The following SSUH2 variants were observed in gnomAD, a reference collection of about 807,000 sequenced individuals.
SSUH2 encodes ssu-2 homolog, also known as protein SSUH2 homolog.
SSUH2 carries 47 observed loss-of-function variants against 55.3 expected under a neutral mutation model. The observed-to-expected ratio is 0.85, with a 90% CI of 0.67 to 1.08. The LOEUF is 1.08. Among genes scored for constraint, SSUH2 ranks in the 50% least tolerant of loss-of-function variants. The pLI is 0.00. For missense variants in SSUH2, 535 were observed against 490.7 expected (o/e 1.09, Z -0.85); for synonymous variants, 212 against 191.5 (o/e 1.11, Z -0.89).
rs1327278773 is a variant in SSUH2 at position 8,633,656 on chromosome 3, G to A, written c.339+10C>T. Reference sequence around the variant, plus strand: ...CCGGCCAAGGCCCCCCACCGGCCCTGGCCTCTCACCCTGCAGAGGGTCTGC... The same window carrying A: ...CCGGCCAAGGCCCCCCACCGGCCCTAGCCTCTCACCCTGCAGAGGGTCTGC... On this transcript the variant is annotated intron_variant, in intron 4 of 11. Transcript: ENST00000544814. 1.3e-6 allele frequency: 2 copies of A among 1,508,800 alleles called. No individual in the cohort carries two copies. Among genetic ancestry groups the A allele is most frequent in the Admixed American group, 2.3e-5 (1 of 44,048 alleles). 93.5% of individuals were successfully genotyped at this position (1,508,800 alleles called of 1,614,324 possible).
intron 5 of SSUH2, among the ~76,000 whole-genome samples, chr3:8,670,705 C>G (rs116116359): frequency 0.018 from 2,690 of 152,030 alleles, 84 homozygotes; most frequent in African/African-American, 0.061. Context: ...AGTAACATCT[C>G]TTTAGGATAT....
chr3:8,656,735 G>A (rs1435366548), intron 7 of SSUH2, among the ~76,000 whole-genome samples: 1 of 152,202 alleles, frequency 6.6e-6, no homozygotes, highest in African/African-American at 2.4e-5. Flanking sequence ...GGCACAGGGA[G>A]GAAGTGACTT....
chr3:8,642,696 A>G (rs1372475148), intron 1 of SSUH2, among the ~76,000 whole-genome samples: 2 of 152,222 alleles, frequency 1.3e-5, no homozygotes, highest in Non-Finnish European at 2.9e-5. Context: ...AGTCACTCAT[A>G]TTATAGACCT....
At chr3:8,621,967 C>T (rs1696539512) in intron 11 of SSUH2, among the ~76,000 whole-genome samples, 2 of 151,050 alleles carry the variant, frequency 1.3e-5, no homozygotes, top group South Asian at 4.2e-4. Context: ...CTGCTTCTGG[C>T]TCAAAAAGTC....
chr3:8,636,712 C>G (rs550515310), intron 1 of SSUH2, among the ~76,000 whole-genome samples: 1 of 152,148 alleles, frequency 6.6e-6, no homozygotes. Flanking sequence ...AAACGTCAGA[C>G]CTGCATTGCA....
chr3:8,644,753 G>A lies in SSUH2; in HGVS notation c.6C>T (p.Asp2=). The change falls in exon 1 of 12, where the codon GAC becomes GAT. Residue 2 remains aspartate (D), a synonymous_variant. Coordinates refer to ENST00000544814, the MANE Select transcript of SSUH2 (RefSeq NM_001256748.3). M[D]RDLNEDDSVV... is the part of the protein sequence containing the mutation. ...TACTGTCATCTTCATTCAGATCCCT[G>A]TCCATGTTCCAGACGTCCTGCCAAA... 1 of 1,536,056 alleles carries A rather than the reference G, an allele frequency of 6.5e-7. No homozygotes were observed. Among genetic ancestry groups the A allele is most frequent in the Non-Finnish European group, 8.7e-7 (1 of 1,146,872 alleles).
chr3:8,678,351 T>C (rs1473601910), intron 2 of SSUH2, among the ~76,000 whole-genome samples: 8 of 152,180 alleles, frequency 5.3e-5, no homozygotes, highest in African/African-American at 1.9e-4. Flanking sequence ...CATATCTGTC[T>C]ATTATGGGGA....
chr3:8,622,645 C>G (rs116368351), intron 11 of SSUH2, among the ~76,000 whole-genome samples: 1 of 152,138 alleles, frequency 6.6e-6, no homozygotes, highest in Non-Finnish European at 1.5e-5. Context: ...TTCTCAGCCC[C>G]CTTCCAGCTC....
intron 10 of SSUH2, 79 bp from the exon 11 acceptor site, chr3:8,623,735 C>T (rs1696943814): frequency 1.5e-6 from 1 of 669,450 alleles, no homozygotes; most frequent in Non-Finnish European, 2.6e-6. Flanking sequence ...TGACTAGAGC[C>T]AGAGCCAGAG....
rs985200271 is a variant in SSUH2, at chr3:8,640,648, G to A, written c.28+4083C>T. Among the ~76,000 whole-genome samples the A allele has an allele frequency of 5.9e-5, 9 of 152,170 alleles. No individual in the cohort carries two copies. In the East Asian group the frequency reaches 1.4e-3, roughly 23 times the overall value. On this transcript the variant is annotated intron_variant, in intron 1 of 11. Coordinates refer to ENST00000544814, the MANE Select transcript of SSUH2 (RefSeq NM_001256748.3). ...AAAAAAGGAAGGAAAGAGACAAGGA[G>A]AACAGAAAGAAAGAAGGAAGGAGAA...
chr3:8,634,323 T>A, intron 3 of SSUH2: 2 of 1,202,834 alleles, frequency 1.7e-6, no homozygotes, highest in Non-Finnish European at 2.2e-6. Flanking sequence ...ACAGGGACCC[T>A]AACCTCGGCC....
At chr3:8,630,594 T>A in intron 6 of SSUH2, among the ~76,000 whole-genome samples, 1 of 152,232 alleles carries the variant, frequency 6.6e-6, no homozygotes, top group East Asian at 1.9e-4. Context: ...GTTTGCTAGG[T>A]GAACACTCCC....
upstream of SSUH2, among the ~76,000 whole-genome samples, chr3:8,646,614 G>A (rs192699878): frequency 1.6e-4 from 24 of 152,352 alleles, no homozygotes; most frequent in African/African-American, 5.5e-4. Context: ...CAAACCAACA[G>A]CTAGACCTTT....
chr3:8,681,086 G>T (rs1291312236), intron 1 of SSUH2, among the ~76,000 whole-genome samples: 9 of 101,546 alleles, frequency 8.9e-5, no homozygotes, highest in African/African-American at 1.7e-4. Flanking sequence ...CATAGCAGGG[G>T]GGAGAGGCAC....
intron 5 of SSUH2, among the ~76,000 whole-genome samples, chr3:8,631,607 G>A (rs1698793135): frequency 6.6e-6 from 1 of 152,126 alleles, no homozygotes; most frequent in South Asian, 2.1e-4. Flanking sequence ...AAACAAGGAG[G>A]ACATAGATCT....
At chr3:8,670,520 A>C (rs1000165863) in intron 5 of SSUH2, among the ~76,000 whole-genome samples, 3 of 152,040 alleles carry the variant, frequency 2.0e-5, no homozygotes, top group African/African-American at 7.3e-5. Flanking sequence ...TATTAGGAAT[A>C]GTATCACAGG....
At chr3:8,624,980 C>G (rs907556156) in intron 10 of SSUH2, among the ~76,000 whole-genome samples, 1 of 152,168 alleles carries the variant, frequency 6.6e-6, no homozygotes, top group East Asian at 1.9e-4. Context: ...CACAAAGAGG[C>G]TTTCCCACCT....
At chr3:8,644,380 A>G (rs1288042145) in intron 1 of SSUH2, among the ~76,000 whole-genome samples, 1 of 152,224 alleles carries the variant, frequency 6.6e-6, no homozygotes, top group East Asian at 1.9e-4. Flanking sequence ...AAAAGAATAT[A>G]AGGTTTGCAT....
chr3:8,659,623 C>G (rs568219903), intron 6 of SSUH2: 1 of 334,446 alleles, frequency 3.0e-6, no homozygotes, highest in South Asian at 2.5e-5. Flanking sequence ...GGGGGCTGCC[C>G]GTGCTTCTGT....
Sources: allele counts gnomAD v4.1 joint callset (sites outside exome capture counted in the v4.1 genomes callset), GRCh38; gene constraint gnomAD v4.1.1; transcripts MANE v1.5; gene names NCBI Gene and HGNC (gene_info 2026-07-23, HGNC 2026-07-21).